SUPT5H: variants seen among roughly 807,000 people sequenced by gnomAD.
SUPT5H encodes the protein SPT5 homolog, DSIF elongation factor subunit, also known as transcription elongation factor SPT5.
A neutral mutation model predicts 142.5 loss-of-function variants in SUPT5H; 24 were observed. The ratio of observed to expected loss-of-function variants is 0.17; its 90% CI spans 0.12 to 0.24. SUPT5H has a LOEUF of 0.24. Ranked by LOEUF, SUPT5H falls within the 10% of genes least tolerant of loss-of-function variation. The pLI, the probability that SUPT5H is intolerant of heterozygous loss-of-function variation, is 1.00. For missense variants in SUPT5H, 893 were observed against 1,471.8 expected (o/e 0.61, Z 6.43); for synonymous variants, 546 against 553.0 (o/e 0.99, Z 0.18).
rs762278959 is a variant in SUPT5H at position 39,474,188 on chromosome 19, C to A, written c.2652-46C>A. 1 of 1,612,530 alleles carries A rather than the reference C, an allele frequency of 6.2e-7. No homozygotes were observed. The highest frequency in any genetic ancestry group is 1.1e-5 in the South Asian group (1 of 90,848). On this transcript the variant is annotated intron_variant, in intron 26 of 29. Transcript: ENST00000432763. The surrounding 1 kb of genome is among the most constrained non-coding windows in gnomAD (Gnocchi z 6.5). ...CCCTCCTACTGCCACCACCTCTTTT[C>A]CCCTCCCTCCTCCAACAAATGCCCC...
intron 3 of SUPT5H, among the ~76,000 whole-genome samples, chr19:39,453,747 A>G (rs1379859237): frequency 6.6e-6 from 1 of 152,010 alleles, no homozygotes; most frequent in Non-Finnish European, 1.5e-5. Flanking sequence ...TCTATTTTTT[A>G]GTGGAGACGG....
chr19:39,475,343 G>T (rs2079389218), intron 28 of SUPT5H: 1 of 151,918 alleles, frequency 6.6e-6, no homozygotes, highest in African/African-American at 2.4e-5. Flanking sequence ...GTTGTGGTGA[G>T]CCGAGATCGT....
chr19:39,464,619 G>A (rs1043328068), intron 10 of SUPT5H, among the ~76,000 whole-genome samples, 179 bp from the exon 11 acceptor site: 6 of 152,182 alleles, frequency 3.9e-5, no homozygotes, highest in Non-Finnish European at 5.9e-5. Context: ...AAAATTTTTA[G>A]TCTGGTTTGT....
At chr19:39,456,506 C>A (rs745886056) in intron 3 of SUPT5H, among the ~76,000 whole-genome samples, 1 of 151,794 alleles carries the variant, frequency 6.6e-6, no homozygotes, top group African/African-American at 2.4e-5. Context: ...GCAACCTCCA[C>A]CTCCCGGGTT....
intron 18 of SUPT5H, 31 bp from the exon 19 acceptor site, chr19:39,471,326 C>T (rs2079316524): frequency 4.3e-6 from 7 of 1,613,912 alleles, no homozygotes; most frequent in Non-Finnish European, 5.9e-6. Context: ...CCCATTCTCA[C>T]CCCCACAGCC....
chr19:39,445,771 C>A, intron 1 of SUPT5H, 33 bp from the exon 2 acceptor site: 1 of 1,220,200 alleles, frequency 8.2e-7, no homozygotes, highest in Non-Finnish European at 1.2e-6. Context: ...AACGAGCCTG[C>A]CGGAAGCGCC....
intron 2 of SUPT5H, among the ~76,000 whole-genome samples, chr19:39,450,066 T>A (rs2079002221): frequency 6.6e-6 from 1 of 151,642 alleles, no homozygotes; most frequent in Admixed American, 6.6e-5. Flanking sequence ...AGCCTCCCAA[T>A]GAACTGGGAC....
intron 2 of SUPT5H, among the ~76,000 whole-genome samples, chr19:39,451,192 T>A (rs937294398): frequency 6.8e-6 from 1 of 146,450 alleles, no homozygotes; most frequent in African/African-American, 2.6e-5. Flanking sequence ...ATGACCTTTT[T>A]TTTTTTTTTT....
Position 39,472,430 on chromosome 19 carries a change from A to C in SUPT5H, c.1972A>C (p.Thr658Pro). The C allele has an allele frequency of 1.2e-6, 2 of 1,613,972 alleles. No homozygotes were observed. Among genetic ancestry groups the C allele is most frequent in the Non-Finnish European group, 1.7e-6 (2 of 1,179,964 alleles). Residue 658 changes from threonine to proline, a missense_variant, in exon 21 of 30, where the codon ACC (threonine) becomes CCC (proline). Around this residue, in one of 6 missense-constraint regions of SUPT5H, gnomAD observed 428 missense variants for 763.5 expected, o/e 0.56. Transcript: ENST00000432763. This position sits in a 1 kb window ranked among gnomAD's most constrained non-coding sequence, Gnocchi z 4.2. ...GSKPRDVTNF[T>P]VGGFAPMSPR... ...CTAGCCCCGTGATGTGACCAACTTC[A>C]CCGTGGGTGGCTTTGCGCCTATGAG...
In SUPT5H at chr19:39,458,795, G is replaced by T. The variant is rs546489423; in HGVS notation, c.320-23G>T. The T allele has an allele frequency of 2.6e-5, 42 of 1,599,164 alleles. No individual in the cohort carries two copies. The South Asian group carries it at 4.0e-4, about 15-fold the overall frequency. ...CTGCCCTCCACCTGCCCTTGCTCAC[G>T]CCCTCTGCCCATTATTTTTCAGCCT... is the stretch of plus-strand genomic sequence containing the variant. On this transcript the variant is annotated intron_variant, in intron 5 of 29. Transcript: ENST00000432763. The surrounding 1 kb of genome is among the most constrained non-coding windows in gnomAD (Gnocchi z 4.2).
intron 10 of SUPT5H, chr19:39,460,175 C>G: frequency 5.3e-6 from 3 of 568,006 alleles, no homozygotes; most frequent in Non-Finnish European, 9.5e-6. Flanking sequence ...ATGGCAGGGT[C>G]TTCCCACCCT....
intron 4 of SUPT5H, 180 bp downstream of exon 4, chr19:39,457,920 G>A (rs1568422864): frequency 1.8e-6 from 2 of 1,138,210 alleles, no homozygotes; most frequent in South Asian, 1.3e-5. Flanking sequence ...AGGCCCATGA[G>A]TGGGGGGTGG....
chr19:39,458,383 C>T lies in SUPT5H; in HGVS notation c.319+78C>T. ...TCCTCCTTCCTGAGGCACCTGCCCT[C>T]ACCGGTAGCCTCCCCACCAGCCCCG... is the stretch of plus-strand genomic sequence containing the variant. On this transcript the variant is annotated intron_variant, in intron 5 of 29. Transcript: ENST00000432763. This position sits in a 1 kb window ranked among gnomAD's most constrained non-coding sequence, Gnocchi z 4.2. 1.3e-6 allele frequency: 2 copies of T among 1,599,568 alleles called. No individual in the cohort carries two copies. Among genetic ancestry groups the T allele is most frequent in the Non-Finnish European group, 1.7e-6 (2 of 1,172,756 alleles).
Position 39,470,415 on chromosome 19 carries a change from G to C in SUPT5H, c.1569G>C (p.Glu523Asp). 1 of 1,604,016 alleles carries C rather than the reference G, an allele frequency of 6.2e-7. No homozygotes were observed. The highest frequency in any genetic ancestry group is 8.5e-7 in the Non-Finnish European group (1 of 1,174,070). Residue 523 changes from glutamate to aspartate, a missense_variant, in exon 18 of 30, where the codon GAG becomes GAC. Physicochemically the swap from Glu to Asp is conservative, Grantham distance 45 (BLOSUM62 2). This residue lies in a region of SUPT5H where 428 missense variants were observed against 763.5 expected (regional missense o/e 0.56). Transcript: ENST00000432763. This position sits in a 1 kb window ranked among gnomAD's most constrained non-coding sequence, Gnocchi z 5.8. ...VLPRDLQLCS[E>D]TASGVDVGGQ... ...CCCGGGACCTGCAGCTCTGCTCAGA[G>C]ACAGCATCAGGTGTGGATGTTGGGG...
chr19:39,454,536 G>C (rs1374902569), intron 3 of SUPT5H, among the ~76,000 whole-genome samples: 1 of 151,672 alleles, frequency 6.6e-6, no homozygotes, highest in East Asian at 1.9e-4. Flanking sequence ...AGTAGAGACA[G>C]GGTTTCACTG....
At chr19:39,450,540 G>A (rs1220161609) in intron 2 of SUPT5H, among the ~76,000 whole-genome samples, 1 of 152,234 alleles carries the variant, frequency 6.6e-6, no homozygotes, top group Non-Finnish European at 1.5e-5. Flanking sequence ...TAGTGTTGGG[G>A]AGGCAGTCCT....
At chr19:39,461,683 G>A (rs1415647585) in intron 10 of SUPT5H, among the ~76,000 whole-genome samples, 1 of 151,914 alleles carries the variant, frequency 6.6e-6, no homozygotes, top group African/African-American at 2.4e-5. Flanking sequence ...GATTAGCCAG[G>A]GGTGGTGGTG....
rs1288448335 is a variant in SUPT5H at position 39,458,312 on chromosome 19, A to G, written c.319+7A>G. 6.2e-7 allele frequency: 1 copy of G among 1,601,454 alleles called. No homozygotes were observed. Among genetic ancestry groups the G allele is most frequent in the East Asian group, 2.3e-5 (1 of 43,834 alleles). On this transcript the variant is annotated splice_region_variant and intron_variant, in intron 5 of 29. Transcript: ENST00000432763. The surrounding 1 kb of genome is among the most constrained non-coding windows in gnomAD (Gnocchi z 4.2). ...CAAGTAGAAGAGATTGAAGGTAAGA[A>G]TATGAAAAGTGTGATTCCCTGACCT... is the stretch of plus-strand genomic sequence containing the variant.
intron 13 of SUPT5H, chr19:39,468,333 C>T: frequency 4.8e-6 from 1 of 207,384 alleles, no homozygotes; most frequent in Non-Finnish European, 1.0e-5. Context: ...GTGTGCAGGC[C>T]AGGCTGAGCG....
Sources: gnomAD v4.1 joint callset for allele counts (sites outside exome capture counted in the v4.1 genomes callset) on GRCh38, gnomAD v4.1.1 for gene constraint, gnomAD v4.1.1 regional missense constraint, Gnocchi (gnomAD v3.1) non-coding constraint, MANE v1.5 for transcripts, NCBI Gene and HGNC (gene_info 2026-07-23, HGNC 2026-07-21) for gene names.